The following USF3 variants were observed in gnomAD, a reference collection of about 807,000 sequenced individuals.
USF3 encodes the protein upstream transcription factor family member 3, also known as basic helix-loop-helix domain-containing protein USF3.
In USF3, 29 loss-of-function variants were observed where a neutral mutation model predicts 157.5. The observed-to-expected ratio is 0.18, with a 90% CI of 0.14 to 0.25. The LOEUF is 0.25. USF3 is among the 10% of genes least tolerant of loss of function. The pLI is 1.00. For synonymous variants in USF3, 893 were observed against 941.4 expected (o/e 0.95, Z 0.94); for missense variants, 2,381 against 2,667.6 (o/e 0.89, Z 2.37).
chr3:113,649,931 A>G lies in USF3; in HGVS notation c.*5013T>C, dbSNP rs1210488933. The G allele has an allele frequency of 4.3e-6, 3 of 694,112 alleles. No individual in the cohort carries two copies. The African/African-American group carries it at 5.3e-5, about 12-fold the overall frequency. 43.0% of individuals were successfully genotyped at this position (694,112 alleles called of 1,614,324 possible). A position where few individuals can be genotyped will look rare whatever the true frequency, so the allele number is the denominator to read the frequency against. Reference sequence around the variant, plus strand: ...TTTCTTTCAAACCCTGGGGAAAGAAAAATGGTAATGTTCAGCCAAAAAGGC... The same window carrying G: ...TTTCTTTCAAACCCTGGGGAAAGAAGAATGGTAATGTTCAGCCAAAAAGGC... On this transcript the variant is annotated 3_prime_UTR_variant, in exon 7 of 7. Transcript: ENST00000316407.
In USF3 at chr3:113,659,226, T is replaced by A; in HGVS notation, c.2456A>T (p.Asp819Val). 1 of 1,614,178 alleles carries A rather than the reference T, an allele frequency of 6.2e-7. No homozygotes were observed. Among genetic ancestry groups the A allele is most frequent in the East Asian group, 2.2e-5 (1 of 44,878 alleles). ...GTTGGGGCAGTCTAACTTGCTCACA[T>A]CTCTGACTGAATTCAGGGGACACGC... ...KSACPLNSVRDVSKLDCPNTE... is the reference protein window; with the variant it reads ...KSACPLNSVRVVSKLDCPNTE... Residue 819 changes from aspartate to valine, a missense_variant, in exon 7 of 7, where the codon GAT (aspartate) becomes GTT (valine). Around this residue, in one of 6 missense-constraint regions of USF3, gnomAD observed 1,435 missense variants for 1,550.9 expected, o/e 0.93. Transcript: ENST00000316407.
intron 1 of USF3, among the ~76,000 whole-genome samples, chr3:113,679,411 C>CTTTTT (rs34641216): frequency 8.5e-6 from 1 of 118,036 alleles, no homozygotes; most frequent in African/African-American, 3.2e-5. Context: ...AGAGAAAGTT[C>CTTTTT]TTTTTTTTTT....
chr3:113,671,669 T>C (rs533213680), intron 4 of USF3, among the ~76,000 whole-genome samples: 55 of 152,234 alleles, frequency 3.6e-4, no homozygotes, highest in African/African-American at 1.3e-3. Context: ...AGCATGGGTG[T>C]GACGTGTTTT....
rs768931742 is a variant in USF3, at chr3:113,658,205, T to G, written c.3477A>C (p.Glu1159Asp). 2 of 1,614,168 alleles carry G rather than the reference T, an allele frequency of 1.2e-6. No homozygotes were observed. The highest frequency in any genetic ancestry group is 4.5e-5 in the East Asian group (2 of 44,880). ...GRVGLQADIREVASKPSEASL... is the reference protein window; with the variant it reads ...GRVGLQADIRDVASKPSEASL... ...ATGCTTCAGAAGGCTTTGAAGCAAC[T>G]TCCCTTATATCAGCCTGGAGGCCAA... Residue 1159 changes from glutamate to aspartate, a missense_variant, in exon 7 of 7, where the codon GAA becomes GAC. Physicochemically the swap from Glu to Asp is conservative, Grantham distance 45 (BLOSUM62 2). Coordinates refer to ENST00000316407, the MANE Select transcript of USF3 (RefSeq NM_001009899.4).
rs553975622 is a variant in USF3 at position 113,670,020 on chromosome 3, T to C, written c.159+101A>G. ...TTATTAACTTCAAAAGAACCATACA[T>C]AGAAATAGAAAGCAACAAAAATAAT... On this transcript the variant is annotated intron_variant, in intron 5 of 6. Transcript: ENST00000316407. 1.8e-4 allele frequency: 136 copies of C among 749,730 alleles called. 2 individuals carry two copies. The Middle Eastern group carries it at 1.9e-3, about 10-fold the overall frequency. The allele number at this position is 749,730 out of a possible 1,614,324, so 46.4% of individuals were successfully genotyped here. A position where few individuals can be genotyped will look rare whatever the true frequency, so the allele number is the denominator to read the frequency against.
At chr3:113,667,018 C>T (rs1055575743) in intron 5 of USF3, among the ~76,000 whole-genome samples, 4 of 152,184 alleles carry the variant, frequency 2.6e-5, no homozygotes, top group Admixed American at 2.0e-4. Flanking sequence ...AATATTTAAC[C>T]TCTACTCCAG....
At position 113,658,592 on chromosome 3, in the gene USF3, G is replaced by A. The variant is rs1947413615; in HGVS notation, c.3090C>T (p.Asp1030=). 4 of 1,613,410 alleles carry A rather than the reference G, an allele frequency of 2.5e-6. No homozygotes were observed. The African/African-American group carries it at 4.0e-5, about 16-fold the overall frequency. ...CTATTTTAGGATTTTCTGAAGAAAA[G>A]TCAGGATGATCCATCTGATCAGAAA... The part of the protein sequence containing the change: ...SSLSDQMDHP[D]FSSENPKIVD... The change falls in exon 7 of 7, where the codon GAC becomes GAT. Residue 1030 remains aspartate (D), a synonymous_variant. Transcript: ENST00000316407.
chr3:113,683,080 C>T (rs1355044955), intron 1 of USF3, among the ~76,000 whole-genome samples: 6 of 151,432 alleles, frequency 4.0e-5, no homozygotes, highest in Non-Finnish European at 1.5e-5. Flanking sequence ...TCTGGTGGTA[C>T]GTTTTAATTT....
In USF3 at chr3:113,656,275, C is replaced by T; in HGVS notation, c.5407G>A (p.Gly1803Arg). ...CTGTCCCTTGATGGAATACCATTTC[C>T]TGTTGGGATGCTCTGAACTGGTGGG... ...SYPPVQSIPTGNGIPSRDSEN... is the reference protein window; with the variant it reads ...SYPPVQSIPTRNGIPSRDSEN... Residue 1803 changes from glycine to arginine, a missense_variant, in exon 7 of 7, where the codon GGA (glycine) becomes AGA (arginine). By Grantham distance (125) the Gly-to-Arg change is moderately radical. Coordinates refer to ENST00000316407, the MANE Select transcript of USF3 (RefSeq NM_001009899.4). 2 of 1,614,126 alleles carry T rather than the reference C, an allele frequency of 1.2e-6. No individual in the cohort carries two copies. The highest frequency in any genetic ancestry group is 1.7e-6 in the Non-Finnish European group (2 of 1,180,024).
chr3:113,659,690 A>C lies in USF3; in HGVS notation c.1992T>G (p.Ile664Met). ...VTMSNQQPQT[I>M]SLNGQLFALQ... ...AAGCAAAGAGCTGTCCATTTAAAGA[A>C]ATGGTTTGAGGCTGTTGGTTTGACA... Residue 664 changes from isoleucine to methionine, a missense_variant, in exon 7 of 7, where the codon ATT becomes ATG. Physicochemically the swap from Ile to Met is conservative, Grantham distance 10. Around this residue, in one of 6 missense-constraint regions of USF3, gnomAD observed 1,435 missense variants for 1,550.9 expected, o/e 0.93. Coordinates refer to ENST00000316407, the MANE Select transcript of USF3 (RefSeq NM_001009899.4). The C allele has an allele frequency of 6.2e-7, 1 of 1,614,222 alleles. No homozygotes were observed. Among genetic ancestry groups the C allele is most frequent in the Non-Finnish European group, 8.5e-7 (1 of 1,180,036 alleles).
In USF3 at chr3:113,655,106, AG is replaced by A. The variant is rs1560170792; in HGVS notation, c.6575del (p.Ser2192PhefsTer6). Reference protein sequence around the residue: ...NSHLSNFNMTSLFPEIATALP... With the variant: ...NSHLSNFNMTXLFPEIATALP... ...GCGCTGTGGCTATTTCTGGAAACAA[AG>A]ATGTCATATTAAAATTGGATAAGTG... On this transcript the variant is annotated frameshift_variant, in exon 7 of 7. Coordinates refer to ENST00000316407, the MANE Select transcript of USF3 (RefSeq NM_001009899.4). LOFTEE classifies it high-confidence loss of function. 6.2e-7 allele frequency: 1 copy of A among 1,614,226 alleles called. No homozygotes were observed. The highest frequency in any genetic ancestry group is 8.5e-7 in the Non-Finnish European group (1 of 1,180,036).
In USF3 at chr3:113,660,963, G is replaced by C; in HGVS notation, c.719C>G (p.Pro240Arg). 1 of 1,614,136 alleles carries C rather than the reference G, an allele frequency of 6.2e-7. No individual in the cohort carries two copies. The highest frequency in any genetic ancestry group is 1.7e-4 in the Middle Eastern group (1 of 6,060). Residue 240 changes from proline (P) to arginine (R), a missense_variant, in exon 7 of 7, where the codon CCC becomes CGC. Pro to Arg is a moderately radical substitution (Grantham distance 103, BLOSUM62 -2). This residue lies in a region of USF3 where 1,435 missense variants were observed against 1,550.9 expected (regional missense o/e 0.93). Transcript: ENST00000316407. ...CACATTTGATTCGCTTTCAGAGGTG[G>C]GAAGCTCGAGAATACTCTGAGCAGA... Reference protein sequence around the residue: ...AISAQSILELPTSESESNVLG... With the variant: ...AISAQSILELRTSESESNVLG...
intron 1 of USF3, among the ~76,000 whole-genome samples, chr3:113,686,162 C>T (rs1341934567): frequency 6.6e-6 from 1 of 152,196 alleles, no homozygotes; most frequent in Admixed American, 6.5e-5. Context: ...AACTCATGTT[C>T]CAACTGATAG....
At chr3:113,665,394 G>A (rs565431770) in intron 5 of USF3, among the ~76,000 whole-genome samples, 1 of 152,358 alleles carries the variant, frequency 6.6e-6, no homozygotes, top group East Asian at 1.9e-4. Flanking sequence ...TAGGCCAAGA[G>A]AGGAATGTCA....
At chr3:113,664,834 G>T (rs1310814580) in intron 5 of USF3, among the ~76,000 whole-genome samples, 1 of 152,114 alleles carries the variant, frequency 6.6e-6, no homozygotes, top group Non-Finnish European at 1.5e-5. Context: ...GAGGTAATTA[G>T]GTCATGAAGG....
chr3:113,657,607 G>A lies in USF3; in HGVS notation c.4075C>T (p.Leu1359=). 1 of 1,614,184 alleles carries A rather than the reference G, an allele frequency of 6.2e-7. No individual in the cohort carries two copies. Among genetic ancestry groups the A allele is most frequent in the Admixed American group, 1.7e-5 (1 of 60,012 alleles). ...ATGGTGTCTGGAGTTCTGCTCATCAGGGACATACTTTCAAGCCTGAGGGGG... is the reference window on the plus strand; with the variant it reads ...ATGGTGTCTGGAGTTCTGCTCATCAAGGACATACTTTCAAGCCTGAGGGGG... ...PAPLRLESMS[L]MSRTPDTISD... Residue 1359 remains leucine (L), a synonymous_variant, in exon 7 of 7, where the codon CTG becomes TTG. Transcript: ENST00000316407.
rs369480361 is a variant in USF3, at chr3:113,656,096, A to C, written c.5586T>G (p.His1862Gln). ...SAIEYNCPPT[H>Q]ENVHIRRESE... ...TCTCTCTTCTAATATGGACATTTTC[A>C]TGAGTTGGGGGACAATTATATTCAA... Residue 1862 changes from histidine (H) to glutamine (Q), a missense_variant, in exon 7 of 7, where the codon CAT (histidine) becomes CAG (glutamine). Physicochemically the swap from His to Gln is conservative, Grantham distance 24. Coordinates refer to ENST00000316407, the MANE Select transcript of USF3 (RefSeq NM_001009899.4). 9.9e-6 allele frequency: 16 copies of C among 1,614,050 alleles called. No individual in the cohort carries two copies. In the African/African-American group the frequency reaches 2.0e-4, roughly 20 times the overall value.
rs142077982 is a variant in USF3, at chr3:113,653,559, C to G, written c.*1385G>C. 1 of 148,390 alleles carries G rather than the reference C, an allele frequency of 6.7e-6. No homozygotes were observed. Among genetic ancestry groups the G allele is most frequent in the Admixed American group, 6.8e-5 (1 of 14,720 alleles). 9.2% of individuals were successfully genotyped at this position (148,390 alleles called of 1,614,324 possible). ...TGGAGCTTGCAGTGAGCTGAGATCA[C>G]GCCACTGCACTCCAGCCTGGGCAAC... is the stretch of plus-strand genomic sequence containing the variant. On this transcript the variant is annotated 3_prime_UTR_variant, in exon 7 of 7. Transcript: ENST00000316407.
intron 4 of USF3, 59 bp downstream of exon 4, chr3:113,673,289 A>G (rs1707203707): frequency 9.7e-7 from 1 of 1,030,800 alleles, no homozygotes; most frequent in Non-Finnish European, 1.5e-6. Flanking sequence ...AATCAACTGC[A>G]GTATGATTTC....
Sources: gnomAD v4.1 joint callset for allele counts (sites outside exome capture counted in the v4.1 genomes callset) on GRCh38, gnomAD v4.1.1 for gene constraint, gnomAD v4.1.1 regional missense constraint, MANE v1.5 for transcripts, NCBI Gene and HGNC (gene_info 2026-07-23, HGNC 2026-07-21) for gene names.